ZNF76: variants seen among roughly 807,000 people sequenced by gnomAD.
The protein encoded by ZNF76 is zinc finger protein 523.
A neutral mutation model predicts 66.9 loss-of-function variants in ZNF76; 66 were observed. The ratio of observed to expected loss-of-function variants is 0.99; its 90% CI spans 0.81 to 1.21. The LOEUF (loss-of-function observed/expected upper bound fraction) is 1.21, where lower values mean the gene tolerates loss of function less well. Ranked by LOEUF, ZNF76 falls within the 50% of genes most tolerant of loss-of-function variation. The pLI is 0.00. For missense variants in ZNF76, 729 were observed against 760.3 expected (o/e 0.96, Z 0.48); for synonymous variants, 275 against 296.1 (o/e 0.93, Z 0.73).
rs1790779190 is a variant in ZNF76, at chr6:35,293,793, A to G, written c.1372A>G (p.Ile458Val). Reference sequence around the variant, plus strand: ...AGACCTGCAGGCCCTGGGGAGTGCCATCAGTATGGTCACCCAGCACGGCAG... The same window carrying G: ...AGACCTGCAGGCCCTGGGGAGTGCCGTCAGTATGGTCACCCAGCACGGCAG... ...PEDLQALGSA[I>V]SMVTQHGSTT... Residue 458 changes from isoleucine to valine, a missense_variant, in exon 12 of 14, where the codon ATC becomes GTC. Physicochemically the swap from Ile to Val is conservative, Grantham distance 29. Coordinates refer to ENST00000373953, the MANE Select transcript of ZNF76 (RefSeq NM_003427.5). 6.2e-7 allele frequency: 1 copy of G among 1,614,040 alleles called. No homozygotes were observed. Among genetic ancestry groups the G allele is most frequent in the Non-Finnish European group, 8.5e-7 (1 of 1,180,010 alleles).
intron 1 of ZNF76, among the ~76,000 whole-genome samples, chr6:35,262,959 C>T (rs1785467943): frequency 6.6e-6 from 1 of 152,170 alleles, no homozygotes; most frequent in South Asian, 2.1e-4. Flanking sequence ...TTTGTCCCCT[C>T]AGCCATCCTC....
At chr6:35,283,361 T>C (rs1789067222) in intron 2 of ZNF76, among the ~76,000 whole-genome samples, 2 of 152,306 alleles carry the variant, frequency 1.3e-5, no homozygotes, top group South Asian at 2.1e-4. Context: ...TTCTCTGACT[T>C]CTCCTCTGAA....
intron 4 of ZNF76, 79 bp downstream of exon 4, chr6:35,286,478 A>G (rs1789587687): frequency 6.0e-6 from 8 of 1,338,686 alleles, no homozygotes; most frequent in Non-Finnish European, 7.4e-6. Flanking sequence ...GGAGGATGGG[A>G]TGGCACACAA....
At chr6:35,291,074 G>A (rs1324450025) in intron 7 of ZNF76, 5 of 638,218 alleles carry the variant, frequency 7.8e-6, no homozygotes, top group Non-Finnish European at 1.3e-5. Context: ...TCATGCTCAT[G>A]TTCTGGTATG....
At chr6:35,294,677 G>T (rs1209349370) in intron 13 of ZNF76, 108 bp downstream of exon 13, 2 of 810,418 alleles carry the variant, frequency 2.5e-6, no homozygotes, top group Non-Finnish European at 4.2e-6. Flanking sequence ...GACTCAAAAA[G>T]AGCCCATTTC....
rs1013827251 is a variant in ZNF76 at position 35,290,782 on chromosome 6, T to A, written c.625+66T>A. 2.0e-6 allele frequency: 3 copies of A among 1,488,068 alleles called. 1 individual carries two copies. In the African/African-American group the frequency reaches 4.1e-5, roughly 21 times the overall value. 92.2% of individuals were successfully genotyped at this position (1,488,068 alleles called of 1,614,324 possible). A position where few individuals can be genotyped will look rare whatever the true frequency, so the allele number is the denominator to read the frequency against. On this transcript the variant is annotated intron_variant, in intron 7 of 13. Transcript: ENST00000373953. The stretch of plus-strand genomic sequence containing the variant: ...GTTCTCGTTCTGTTTGGGACCTCTC[T>A]GAAGGGAACCCAACACCAGGCTGCT...
At chr6:35,260,302 C>A (rs1785036553) in intron 1 of ZNF76, among the ~76,000 whole-genome samples, 1 of 152,080 alleles carries the variant, frequency 6.6e-6, no homozygotes, top group South Asian at 2.1e-4. Context: ...CCCAGTAACC[C>A]CCCCGATTCT....
chr6:35,272,616 G>T (rs1787268516), intron 1 of ZNF76, among the ~76,000 whole-genome samples: 1 of 152,192 alleles, frequency 6.6e-6, no homozygotes, highest in Non-Finnish European at 1.5e-5. Context: ...ATGCCAGCAT[G>T]AATTAGAAAA....
chr6:35,276,754 G>T (rs6902523), intron 1 of ZNF76, among the ~76,000 whole-genome samples: 1 of 149,528 alleles, frequency 6.7e-6, no homozygotes, highest in African/African-American at 2.5e-5. Context: ...TTCAACCTAT[G>T]TCTGCTTTGT....
At chr6:35,267,633 G>A (rs909066164) in intron 1 of ZNF76, among the ~76,000 whole-genome samples, 2 of 152,212 alleles carry the variant, frequency 1.3e-5, no homozygotes, top group Admixed American at 6.5e-5. Flanking sequence ...ATGAGGATAC[G>A]ATGATGGAGA....
chr6:35,277,595 A>G (rs1396990866), intron 1 of ZNF76, among the ~76,000 whole-genome samples: 1 of 152,208 alleles, frequency 6.6e-6, no homozygotes, highest in Non-Finnish European at 1.5e-5. Context: ...TTGGGCCTCC[A>G]GTTCCCTCAC....
intron 1 of ZNF76, among the ~76,000 whole-genome samples, chr6:35,273,722 CAAAA>C (rs35149897): frequency 4.6e-5 from 6 of 130,134 alleles, no homozygotes; most frequent in East Asian, 2.3e-4. Flanking sequence ...CTCCATCTCA[CAAAA>C]AAAAAAAAAA....
At chr6:35,266,992 G>A (rs554479439) in intron 1 of ZNF76, among the ~76,000 whole-genome samples, 41 of 151,786 alleles carry the variant, frequency 2.7e-4, no homozygotes, top group Admixed American at 9.8e-4. Context: ...GTAGAGACGG[G>A]GTTTCACCGT....
intron 1 of ZNF76, 114 bp from the exon 2 acceptor site, chr6:35,280,942 A>T: frequency 1.7e-6 from 1 of 586,576 alleles, no homozygotes; most frequent in Non-Finnish European, 3.1e-6. Flanking sequence ...CACTACTTTG[A>T]AGAATTCATC....
Position 35,287,881 on chromosome 6 carries a change from A to T in ZNF76, c.432+36A>T, listed in dbSNP as rs1789806705. 1 of 1,553,100 alleles carries T rather than the reference A, an allele frequency of 6.4e-7. No homozygotes were observed. Among genetic ancestry groups the T allele is most frequent in the Non-Finnish European group, 8.7e-7 (1 of 1,148,230 alleles). ...ACAGCGTGACACGGTCTGTCACTCT[A>T]GACAACCGGGCCTGGCCTGCGCACT... On this transcript the variant is annotated intron_variant, in intron 5 of 13. Transcript: ENST00000373953. The surrounding 1 kb of genome is among the most constrained non-coding windows in gnomAD (Gnocchi z 4.0).
chr6:35,282,433 A>C (rs1426934199), intron 2 of ZNF76, among the ~76,000 whole-genome samples: 1 of 152,254 alleles, frequency 6.6e-6, no homozygotes, highest in East Asian at 1.9e-4. Context: ...TTTATCTGGC[A>C]ATTCTATCCT....
intron 11 of ZNF76, 39 bp from the exon 12 acceptor site, chr6:35,293,712 C>G (rs1241545072): frequency 6.2e-7 from 1 of 1,606,704 alleles, no homozygotes; most frequent in South Asian, 1.1e-5. Context: ...GACAACCCTC[C>G]ACTGACACTG....
rs1790254705 is a variant in ZNF76 at position 35,290,691 on chromosome 6, C to T, written c.600C>T (p.Pro200=). 1.2e-6 allele frequency: 2 copies of T among 1,614,110 alleles called. No homozygotes were observed. Among genetic ancestry groups the T allele is most frequent in the Admixed American group, 1.7e-5 (1 of 60,004 alleles). ...ACCGTCCATACAGATGTGACTTCCC[C>T]AGCTGTGGAAAGGCCTTTGCCACAG... ...TGDRPYRCDF[P]SCGKAFATGY... is the part of the protein sequence containing the mutation. The change falls in exon 7 of 14, where the codon CCC becomes CCT. Residue 200 remains proline (P), a synonymous_variant. Coordinates refer to ENST00000373953, the MANE Select transcript of ZNF76 (RefSeq NM_003427.5).
In ZNF76 at chr6:35,290,287, C is replaced by G; in HGVS notation, c.454C>G (p.Pro152Ala). 1 of 1,614,188 alleles carries G rather than the reference C, an allele frequency of 6.2e-7. No homozygotes were observed. Among genetic ancestry groups the G allele is most frequent in the Non-Finnish European group, 8.5e-7 (1 of 1,180,028 alleles). ...CCAGGTTCTTCATGACAGCCAGATTCCCCGTAATGGAAAAGGGCAGCAAGT... is the reference window on the plus strand; with the variant it reads ...CCAGGTTCTTCATGACAGCCAGATTGCCCGTAATGGAAAAGGGCAGCAAGT... ...ASKVLHDSQIPRNGKGQQVGD... is the reference protein window; with the variant it reads ...ASKVLHDSQIARNGKGQQVGD... Residue 152 changes from proline (P) to alanine (A), a missense_variant, in exon 6 of 14, where the codon CCC becomes GCC. Transcript: ENST00000373953.
Sources: gnomAD v4.1 joint callset for allele counts (sites outside exome capture counted in the v4.1 genomes callset) on GRCh38, gnomAD v4.1.1 for gene constraint, Gnocchi (gnomAD v3.1) non-coding constraint, MANE v1.5 for transcripts, NCBI Gene and HGNC (gene_info 2026-07-23, HGNC 2026-07-21) for gene names.